The following ERICH6 variants were observed in gnomAD, a reference collection of about 807,000 sequenced individuals.
The protein encoded by ERICH6 is glutamate rich 6.
ERICH6 carries 71 observed loss-of-function variants against 71.0 expected under a neutral mutation model. The observed-to-expected ratio is 1.00, with a 90% CI of 0.83 to 1.22. The LOEUF is 1.22. Among genes scored for constraint, ERICH6 ranks in the 50% most tolerant of loss-of-function variants. The pLI is 0.00. For synonymous variants in ERICH6, 262 were observed against 278.4 expected, an observed-to-expected ratio of 0.94 and a Z score of 0.59; for missense variants, 808 against 797.2, an observed-to-expected ratio of 1.01 and a Z score of -0.16.
Position 150,703,702 on chromosome 3 carries a change from TC to T in ERICH6, c.196del (p.Glu66SerfsTer33). 1 of 1,609,630 alleles carries T rather than the reference TC, an allele frequency of 6.2e-7. No homozygotes were observed. On this transcript the variant is annotated frameshift_variant, in exon 1 of 14. Transcript: ENST00000295910. LOFTEE classifies it high-confidence loss of function. The part of the protein sequence containing the change: ...VEEELVGEEQ[E>X]LEAPETFSEE... Reference sequence around the variant, plus strand: ...GCTGAACGTCTCAGGGGCCTCCAACTCCTGCTCTTCCCCCACCAACTCCTCC... The same window carrying T: ...GCTGAACGTCTCAGGGGCCTCCAACTCTGCTCTTCCCCCACCAACTCCTCC...
chr3:150,698,828 T>G lies in ERICH6; in HGVS notation c.516A>C (p.Glu172Asp). 6.2e-7 allele frequency: 1 copy of G among 1,613,992 alleles called. No homozygotes were observed. The highest frequency in any genetic ancestry group is 1.1e-5 in the South Asian group (1 of 91,058). ...PGIPVSVQTEESWLQDLSDKV... is the reference protein window; with the variant it reads ...PGIPVSVQTEDSWLQDLSDKV... Reference sequence around the variant, plus strand: ...TATCAGACAAATCTTGGAGCCAACTTTCTTCTGTTTGTACTGATACTGGAA... The same window carrying G: ...TATCAGACAAATCTTGGAGCCAACTGTCTTCTGTTTGTACTGATACTGGAA... Residue 172 changes from glutamate (E) to aspartate (D), a missense_variant, in exon 3 of 14, where the codon GAA becomes GAC. By Grantham distance (45) the Glu-to-Asp change is conservative. Transcript: ENST00000295910.
At chr3:150,703,011 A>C (rs1305697762) in intron 1 of ERICH6, among the ~76,000 whole-genome samples, 1 of 150,036 alleles carries the variant, frequency 6.7e-6, no homozygotes, top group African/African-American at 2.5e-5. Context: ...AGAGAGAGAG[A>C]GAGATGTCAC....
In ERICH6 at chr3:150,703,910, G is replaced by A. The variant is rs1713079477; in HGVS notation, c.-12C>T. ...CGCAAGTGGGCCATGGCTGGCGGGAGGCGGGATTACAGCCAGCTCTTTGGC... is the reference window on the plus strand; with the variant it reads ...CGCAAGTGGGCCATGGCTGGCGGGAAGCGGGATTACAGCCAGCTCTTTGGC... On this transcript the variant is annotated 5_prime_UTR_variant, in exon 1 of 14. Transcript: ENST00000295910. 1 of 1,612,728 alleles carries A rather than the reference G, an allele frequency of 6.2e-7. No individual in the cohort carries two copies. The highest frequency in any genetic ancestry group is 1.3e-5 in the African/African-American group (1 of 75,068).
rs752675931 is a variant in ERICH6 at position 150,660,084 on chromosome 3, T to C, written c.1800A>G (p.Leu600=). Residue 600 remains leucine (L), a synonymous_variant, in exon 14 of 14, where the codon TTA becomes TTG. Coordinates refer to ENST00000295910, the MANE Select transcript of ERICH6 (RefSeq NM_152394.5). ...TATGAAACAGGCGACGGATCTTTAT[T>C]AAACTGGCCAGCAGAAGAAGGTCAT... is the stretch of plus-strand genomic sequence containing the variant. ...SGDDLLLLAS[L]IKIRRLFHKL... The C allele has an allele frequency of 1.2e-6, 2 of 1,613,924 alleles. No individual in the cohort carries two copies. The highest frequency in any genetic ancestry group is 2.7e-5 in the African/African-American group (2 of 74,874).
rs551844942 is a variant in ERICH6 at position 150,696,355 on chromosome 3, T to C, written c.553+2436A>G. Among the ~76,000 whole-genome samples, 188 of 152,184 alleles carry C rather than the reference T, an allele frequency of 1.2e-3. 1 individual carries two copies. The highest frequency in any genetic ancestry group is 4.1e-3 in the African/African-American group (171 of 41,536). ...AAATTCTAGAAGTTTTAGAAGAAAATGTAGGAAAATATACATATATTATTG... is the reference window on the plus strand; with the variant it reads ...AAATTCTAGAAGTTTTAGAAGAAAACGTAGGAAAATATACATATATTATTG... On this transcript the variant is annotated intron_variant, in intron 3 of 13. Coordinates refer to ENST00000295910, the MANE Select transcript of ERICH6 (RefSeq NM_152394.5).
chr3:150,688,086 G>A (rs1189747408), intron 3 of ERICH6, among the ~76,000 whole-genome samples: 1 of 152,046 alleles, frequency 6.6e-6, no homozygotes. Context: ...CCACTGCACT[G>A]AAGCCTGGGT....
At chr3:150,665,066 T>A (rs1447324055) in intron 13 of ERICH6, among the ~76,000 whole-genome samples, 7 of 152,066 alleles carry the variant, frequency 4.6e-5, no homozygotes, top group Non-Finnish European at 7.4e-5. Flanking sequence ...TGTGTAAGAA[T>A]GTATTTACTA....
intron 4 of ERICH6, 115 bp from the exon 5 acceptor site, chr3:150,686,136 A>C: frequency 8.4e-7 from 1 of 1,190,418 alleles, no homozygotes. Flanking sequence ...GCACGCACAC[A>C]CTGTTCAGAT....
At chr3:150,686,224 T>C in intron 4 of ERICH6, 74 bp downstream of exon 4, 1 of 1,526,870 alleles carries the variant, frequency 6.5e-7, no homozygotes, top group South Asian at 1.1e-5. Flanking sequence ...ATGGGCTCTG[T>C]GCGAGTTAAG....
chr3:150,685,349 G>C (rs1353503918), intron 6 of ERICH6, among the ~76,000 whole-genome samples: 1 of 152,222 alleles, frequency 6.6e-6, no homozygotes, highest in Non-Finnish European at 1.5e-5. Flanking sequence ...CAGACACACA[G>C]AGAGAATGCT....
At chr3:150,681,992 T>C (rs1181504400) in intron 7 of ERICH6, among the ~76,000 whole-genome samples, 1 of 151,882 alleles carries the variant, frequency 6.6e-6, no homozygotes, top group African/African-American at 2.4e-5. Context: ...TTTTTTGTAT[T>C]TTAGTAGACA....
chr3:150,678,492 T>G lies in ERICH6; in HGVS notation c.1174A>C (p.Ile392Leu). 2 of 1,603,688 alleles carry G rather than the reference T, an allele frequency of 1.2e-6. No individual in the cohort carries two copies. Among genetic ancestry groups the G allele is most frequent in the Non-Finnish European group, 1.7e-6 (2 of 1,177,286 alleles). The change falls in exon 10 of 14, where the codon ATT (isoleucine) becomes CTT (leucine). Residue 392 changes from isoleucine to leucine, a missense_variant. This residue lies in a region of ERICH6 where 736 missense variants were observed against 712.2 expected (regional missense o/e 1.03). Coordinates refer to ENST00000295910, the MANE Select transcript of ERICH6 (RefSeq NM_152394.5). Reference protein sequence around the residue: ...LSVDIPEKQIIDDIVFDFQLR... With the variant: ...LSVDIPEKQILDDIVFDFQLR... ...TGAAAATCAAATACAATGTCATCAA[T>G]TATCTGTTTTTCTGGAATATCCACA... is the stretch of plus-strand genomic sequence containing the variant.
At chr3:150,663,829 A>G (rs1222789766) in intron 13 of ERICH6, among the ~76,000 whole-genome samples, 1 of 151,892 alleles carries the variant, frequency 6.6e-6, no homozygotes, top group Non-Finnish European at 1.5e-5. Context: ...GTTGAATTGG[A>G]ATCAGAGACT....
rs7610633 is a variant in ERICH6, at chr3:150,667,055, C to A, written c.1500-40G>T. ...AATGTAAATATCATAAACAGTAACA[C>A]TGTAATTAAATACTGGAATTATCCC... On this transcript the variant is annotated intron_variant, in intron 12 of 13. Transcript: ENST00000295910. 7.3e-4 allele frequency: 1,133 copies of A among 1,554,012 alleles called. 8 individuals are homozygous for A. In the African/African-American group the frequency reaches 0.014, roughly 19 times the overall value.
rs563436285 is a variant in ERICH6, at chr3:150,699,727, A to C, written c.462-845T>G. ...AAGCCCTCAAAGAGATAAAAACAAA[A>C]AAAAAAAACACAAAAAACAAACCAA... On this transcript the variant is annotated intron_variant, in intron 2 of 13. Transcript: ENST00000295910. 6.2e-3 allele frequency among the ~76,000 whole-genome samples: 923 copies of C among 149,288 alleles called. 10 individuals carry two copies. The highest frequency in any genetic ancestry group is 0.021 in the African/African-American group (874 of 41,188).
At chr3:150,699,690 T>A (rs1386364227) in intron 2 of ERICH6, among the ~76,000 whole-genome samples, 1 of 146,502 alleles carries the variant, frequency 6.8e-6, no homozygotes, top group Admixed American at 6.8e-5. Context: ...AGAACTTTAA[T>A]ATATTAGAAC....
chr3:150,699,723 C>CAAA lies in ERICH6; in HGVS notation c.462-844_462-842dup, dbSNP rs146953448. On this transcript the variant is annotated intron_variant, in intron 2 of 13. Coordinates refer to ENST00000295910, the MANE Select transcript of ERICH6 (RefSeq NM_152394.5). ...AACAAAGCCCTCAAAGAGATAAAAA[C>CAAA]AAAAAAAAAAAACACAAAAAACAAA... 1.3e-3 allele frequency among the ~76,000 whole-genome samples: 184 copies of CAAA among 136,748 alleles called. 1 individual carries two copies. Among genetic ancestry groups the CAAA allele is most frequent in the Admixed American group, 0.01 (139 of 13,824 alleles). 89.7% of individuals were successfully genotyped at this position (136,748 alleles called of 152,430 possible).
At chr3:150,698,338 C>T (rs574895591) in intron 3 of ERICH6, among the ~76,000 whole-genome samples, 41 of 151,712 alleles carry the variant, frequency 2.7e-4, no homozygotes, top group African/African-American at 9.2e-4. Flanking sequence ...AGTAAGCAGT[C>T]GATGAATAAA....
Position 150,703,681 on chromosome 3 carries a change from AAC to A in ERICH6, c.216_217del (p.Phe73GlnfsTer13), listed in dbSNP as rs1171776606. The A allele has an allele frequency of 6.2e-7, 1 of 1,611,910 alleles. No individual in the cohort carries two copies. The highest frequency in any genetic ancestry group is 1.7e-5 in the Admixed American group (1 of 59,812). On this transcript the variant is annotated frameshift_variant, in exon 1 of 14. Transcript: ENST00000295910. LOFTEE classifies it high-confidence loss of function. ...GACCTTCCAGAGGTACTCTTCGCTG[AAC>A]GTCTCAGGGGCCTCCAACTCCTGCT...
Sources: gnomAD v4.1 joint callset for allele counts (sites outside exome capture counted in the v4.1 genomes callset) on GRCh38, gnomAD v4.1.1 for gene constraint, gnomAD v4.1.1 regional missense constraint, MANE v1.5 for transcripts, NCBI Gene and HGNC (gene_info 2026-07-23, HGNC 2026-07-21) for gene names.